The following LINC00305 variants were observed in gnomAD, a reference collection of about 807,000 sequenced individuals.
LINC00305 encodes the protein long independently transcribed non-coding RNA 305.
intron 2 of LINC00305, among the ~76,000 whole-genome samples, chr18:64,098,266 AC>A (rs1252768237): frequency 1.3e-5 from 2 of 152,226 alleles, no homozygotes; most frequent in African/African-American, 2.4e-5. Context: ...GTTTATAGGT[AC>A]GGCAGAAAAT....
chr18:64,121,128 A>G (rs762417622), intron 1 of LINC00305, among the ~76,000 whole-genome samples: 1 of 152,174 alleles, frequency 6.6e-6, no homozygotes, highest in African/African-American at 2.4e-5. Context: ...TACTTTGAAT[A>G]GCTGTGTGTG....
intron 2 of LINC00305, chr18:64,098,154 T>C (rs2051252844): frequency 2.8e-6 from 1 of 351,980 alleles, no homozygotes. Flanking sequence ...AAGTTGAAAC[T>C]ATCCATCTAA....
At chr18:64,148,119 A>G (rs888448916) in intron 1 of LINC00305, among the ~76,000 whole-genome samples, 4 of 151,994 alleles carry the variant, frequency 2.6e-5, no homozygotes, top group African/African-American at 9.7e-5. Flanking sequence ...GTAAGAAAGA[A>G]GCTTCCTATC....
chr18:64,098,905 G>A (rs1263488398), intron 1 of LINC00305, among the ~76,000 whole-genome samples: 1 of 152,188 alleles, frequency 6.6e-6, no homozygotes, highest in Non-Finnish European at 1.5e-5. Context: ...ACTAAGCCAA[G>A]TGACAAGGAG....
Position 64,094,928 on chromosome 18 carries a change from C to G in LINC00305, n.540+2906G>C, listed in dbSNP as rs549147921. Among the ~76,000 whole-genome samples, 40 of 147,546 alleles carry G rather than the reference C, an allele frequency of 2.7e-4. No individual in the cohort carries two copies. In the South Asian group the frequency reaches 8.2e-3, roughly 30 times the overall value. On this transcript the variant is annotated intron_variant and non_coding_transcript_variant, in intron 3 of 3. Transcript: ENST00000666468. ...AATTTCTTTCTGGGCAAGCAAGACT[C>G]CCAAGAAGCCTCAATCTGTGTACCT...
intron 1 of LINC00305, among the ~76,000 whole-genome samples, chr18:64,108,764 A>G (rs918881612): frequency 6.6e-6 from 1 of 152,216 alleles, no homozygotes; most frequent in Non-Finnish European, 1.5e-5. Flanking sequence ...AAACAAGTGT[A>G]CAGTTGGCTC....
At chr18:64,126,551 T>C (rs1396526315) in intron 1 of LINC00305, among the ~76,000 whole-genome samples, 1 of 152,138 alleles carries the variant, frequency 6.6e-6, no homozygotes, top group Admixed American at 6.6e-5. Context: ...CACTGAGATA[T>C]AGGATTGCTC....
chr18:64,082,278 G>T (rs921169958), intron 3 of LINC00305, among the ~76,000 whole-genome samples: 1 of 151,490 alleles, frequency 6.6e-6, no homozygotes, highest in African/African-American at 2.4e-5. Flanking sequence ...GGCCCAATCA[G>T]GAACAGAAGA....
chr18:64,146,836 G>T (rs1048530863), intron 1 of LINC00305, among the ~76,000 whole-genome samples: 1 of 152,034 alleles, frequency 6.6e-6, no homozygotes, highest in African/African-American at 2.4e-5. Context: ...TAAGAGGGGA[G>T]GTTTAAGTGT....
chr18:64,146,702 T>C (rs940908090), intron 1 of LINC00305, among the ~76,000 whole-genome samples: 2 of 152,156 alleles, frequency 1.3e-5, no homozygotes, highest in Admixed American at 1.3e-4. Flanking sequence ...TTAAGATGCC[T>C]ACATCTTTCC....
rs374327081 is a variant in LINC00305 at position 64,143,405 on chromosome 18, G to GTA, written n.314+5368_314+5369dup. Among the ~76,000 whole-genome samples the GTA allele has an allele frequency of 2.3e-3, 343 of 147,798 alleles. 1 individual carries two copies. The highest frequency in any genetic ancestry group is 5.9e-3 in the African/African-American group (237 of 39,962). On this transcript the variant is annotated intron_variant and non_coding_transcript_variant, in intron 1 of 3. Coordinates refer to ENST00000666468, the Ensembl canonical transcript of LINC00305. ...AAAAGCATTGATGGTGTGTGTGTGT[G>GTA]TATATATATATATGTGTATACCAAC...
intron 1 of LINC00305, among the ~76,000 whole-genome samples, chr18:64,104,711 A>G (rs2051282325): frequency 6.6e-6 from 1 of 152,174 alleles, no homozygotes; most frequent in East Asian, 1.9e-4. Context: ...TATGCTTGGG[A>G]GCCTCCTTCA....
intron 1 of LINC00305, among the ~76,000 whole-genome samples, chr18:64,146,184 G>A (rs2051497181): frequency 1.3e-5 from 2 of 152,116 alleles, no homozygotes; most frequent in Non-Finnish European, 2.9e-5. Context: ...TATGGTTGGT[G>A]CCTGGATTAA....
At chr18:64,128,558 A>G (rs1223971607) in intron 1 of LINC00305, among the ~76,000 whole-genome samples, 1 of 152,084 alleles carries the variant, frequency 6.6e-6, no homozygotes, top group Non-Finnish European at 1.5e-5. Flanking sequence ...GCCAGCCATC[A>G]CCTTAAAATT....
At chr18:64,119,937 C>G (rs142063752) in intron 1 of LINC00305, among the ~76,000 whole-genome samples, 239 of 152,148 alleles carry the variant, frequency 1.6e-3, no homozygotes, top group African/African-American at 5.5e-3. Flanking sequence ...GACAGTGATG[C>G]TTCTTGTCCA....
At chr18:64,088,962 T>A (rs2051214627) in intron 3 of LINC00305, among the ~76,000 whole-genome samples, 1 of 151,998 alleles carries the variant, frequency 6.6e-6, no homozygotes, top group South Asian at 2.1e-4. Context: ...AAGGGGAATA[T>A]GGGGTTACCA....
intron 3 of LINC00305, among the ~76,000 whole-genome samples, chr18:64,096,519 T>A (rs114949870): frequency 0.011 from 1,662 of 151,936 alleles, 32 homozygotes; most frequent in African/African-American, 0.038. Flanking sequence ...TAGTGTATAA[T>A]CCTGTTGGTA....
At chr18:64,094,184 TA>T (rs1381656732) in intron 3 of LINC00305, among the ~76,000 whole-genome samples, 2 of 152,102 alleles carry the variant, frequency 1.3e-5, no homozygotes, top group African/African-American at 4.8e-5. Context: ...ACGTTATTAC[TA>T]AAAACTAGGG....
chr18:64,132,192 A>G (rs2051412761), intron 1 of LINC00305, among the ~76,000 whole-genome samples: 1 of 152,252 alleles, frequency 6.6e-6, no homozygotes, highest in African/African-American at 2.4e-5. Context: ...GTAGGAATCA[A>G]TGAAAGCCTT....
Sources: gnomAD v4.1 joint callset for allele counts (sites outside exome capture counted in the v4.1 genomes callset) on GRCh38, gnomAD v4.1.1 for gene constraint, MANE v1.5 for transcripts, NCBI Gene and HGNC (gene_info 2026-07-23, HGNC 2026-07-21) for gene names.